MSI2: variants seen among roughly 807,000 people sequenced by gnomAD.
MSI2 encodes the protein RNA-binding protein Musashi homolog 2.
In MSI2, 17 loss-of-function variants were observed where a neutral mutation model predicts 45.6. The observed-to-expected ratio is 0.37, with a 90% CI of 0.26 to 0.56. The LOEUF is 0.56. MSI2 is among the 20% of genes least tolerant of loss of function. MSI2 has a pLI of 0.77. For missense variants in MSI2, 293 were observed against 444.2 expected (o/e 0.66, Z 3.06); for synonymous variants, 156 against 158.2 (o/e 0.99, Z 0.11).
chr17:57,391,981 G>A (rs180928062), intron 5 of MSI2, among the ~76,000 whole-genome samples: 106 of 152,350 alleles, frequency 7.0e-4, no homozygotes, highest in Non-Finnish European at 1.2e-3. Flanking sequence ...CTGAATCACC[G>A]TGTGGTGAGC....
In MSI2 at chr17:57,300,068, G is replaced by A. The variant is rs183108213; in HGVS notation, c.312+37876G>A. Among the ~76,000 whole-genome samples the A allele has an allele frequency of 1.3e-3, 194 of 152,306 alleles. 3 individuals are homozygous for A. The highest frequency in any genetic ancestry group is 4.4e-3 in the African/African-American group (184 of 41,568). On this transcript the variant is annotated intron_variant, in intron 5 of 13. Transcript: ENST00000284073. Reference sequence around the variant, plus strand: ...TACACAGCACCGTGGACCCACGCACGGCTTTACTGCCCACATACCCTTCTG... The same window carrying A: ...TACACAGCACCGTGGACCCACGCACAGCTTTACTGCCCACATACCCTTCTG...
chr17:57,539,501 A>T, intron 7 of MSI2, among the ~76,000 whole-genome samples: 1 of 145,494 alleles, frequency 6.9e-6, no homozygotes, highest in East Asian at 2.0e-4. Context: ...AGACCAGCCT[A>T]GCCAACAGGG....
chr17:57,580,200 GGGTGA>G (rs2088163470), intron 7 of MSI2, among the ~76,000 whole-genome samples: 1 of 152,192 alleles, frequency 6.6e-6, no homozygotes, highest in Non-Finnish European at 1.5e-5. Context: ...AGCTCTAGCA[GGGTGA>G]ACCCATTTAT....
At chr17:57,672,909 A>T (rs979555091) in intron 11 of MSI2, among the ~76,000 whole-genome samples, 2 of 152,198 alleles carry the variant, frequency 1.3e-5, no homozygotes, top group Non-Finnish European at 1.5e-5. Context: ...TATATTCAAA[A>T]ATCTCCATCC....
chr17:57,543,486 T>C (rs2087098073), intron 7 of MSI2, among the ~76,000 whole-genome samples: 1 of 152,256 alleles, frequency 6.6e-6, no homozygotes, highest in African/African-American at 2.4e-5. Context: ...TATGCATTTC[T>C]ACCCCAGAGG....
intron 5 of MSI2, among the ~76,000 whole-genome samples, chr17:57,291,195 AAACATC>A (rs1910389530): frequency 6.6e-6 from 1 of 152,232 alleles, no homozygotes; most frequent in Non-Finnish European, 1.5e-5. Flanking sequence ...GTGCAAAAGA[AAACATC>A]AAAATGTTTG....
intron 7 of MSI2, among the ~76,000 whole-genome samples, chr17:57,573,325 G>C (rs1333835770): frequency 3.6e-5 from 4 of 110,230 alleles, no homozygotes; most frequent in Admixed American, 3.6e-4. Flanking sequence ...AGGATGTGTC[G>C]TGCTCTGTGC....
At chr17:57,416,362 T>C (rs2084294252) in intron 6 of MSI2, among the ~76,000 whole-genome samples, 1 of 152,198 alleles carries the variant, frequency 6.6e-6, no homozygotes, top group Non-Finnish European at 1.5e-5. Flanking sequence ...AACACACCTA[T>C]GGGGAGACTT....
intron 7 of MSI2, among the ~76,000 whole-genome samples, chr17:57,565,523 A>ATTC (rs1328342649): frequency 6.6e-6 from 1 of 152,196 alleles, no homozygotes; most frequent in East Asian, 1.9e-4. Flanking sequence ...GCCTTCCTGC[A>ATTC]TTCTTGCAGA....
intron 5 of MSI2, among the ~76,000 whole-genome samples, chr17:57,364,576 G>A (rs1430365644): frequency 2.0e-5 from 3 of 152,136 alleles, no homozygotes; most frequent in Non-Finnish European, 2.9e-5. Flanking sequence ...TTCTCTAATG[G>A]GCTTGTGTTT....
chr17:57,528,531 G>C (rs1233352777), intron 6 of MSI2, among the ~76,000 whole-genome samples: 1 of 152,196 alleles, frequency 6.6e-6, no homozygotes, highest in Non-Finnish European at 1.5e-5. Context: ...TTGTTTGCTA[G>C]TACTGCCATA....
chr17:57,594,894 G>T, intron 7 of MSI2, among the ~76,000 whole-genome samples: 1 of 152,172 alleles, frequency 6.6e-6, no homozygotes, highest in Non-Finnish European at 1.5e-5. Context: ...CAACAGGCTG[G>T]ACTGTGTATG....
intron 6 of MSI2, among the ~76,000 whole-genome samples, chr17:57,528,098 A>ACCCC (rs1264588205): frequency 1.4e-5 from 2 of 140,678 alleles, no homozygotes; most frequent in African/African-American, 5.1e-5. Context: ...TAACAGTTTT[A>ACCCC]CCCCCCCTAC....
chr17:57,345,818 C>CAAA lies in MSI2; in HGVS notation c.313-55545_313-55543dup, dbSNP rs10685506. ...TGGGCGACAGAGTGGGACTCCGTCT[C>CAAA]AAAAAAAAAAAAAAAAAATTAACTA... On this transcript the variant is annotated intron_variant, in intron 5 of 13. Coordinates refer to ENST00000284073, the MANE Select transcript of MSI2 (RefSeq NM_138962.4). Among the ~76,000 whole-genome samples the CAAA allele has an allele frequency of 2.8e-3, 341 of 121,200 alleles. 3 individuals carry two copies. Among genetic ancestry groups the CAAA allele is most frequent in the East Asian group, 0.026 (99 of 3,808 alleles). 79.5% of individuals were successfully genotyped at this position (121,200 alleles called of 152,430 possible). A position where few individuals can be genotyped will look rare whatever the true frequency, so the allele number is the denominator to read the frequency against.
At chr17:57,528,740 C>G (rs924459632) in intron 6 of MSI2, among the ~76,000 whole-genome samples, 1 of 152,096 alleles carries the variant, frequency 6.6e-6, no homozygotes, top group Non-Finnish European at 1.5e-5. Context: ...ATAAGGACAC[C>G]AGTCATATTG....
chr17:57,444,837 A>G (rs1286670938), intron 6 of MSI2: 1 of 152,212 alleles, frequency 6.6e-6, no homozygotes, highest in Non-Finnish European at 1.5e-5. Context: ...TGTGGCTATA[A>G]TTAAGCCTCT....
chr17:57,538,252 C>T (rs774785789), intron 7 of MSI2, among the ~76,000 whole-genome samples: 12 of 152,020 alleles, frequency 7.9e-5, no homozygotes, highest in Non-Finnish European at 1.5e-4. Context: ...CAGGGGTCGC[C>T]GCAAGCCCTG....
Position 57,634,383 on chromosome 17 carries a change from T to C in MSI2, c.727+7080T>C, listed in dbSNP as rs190399116. 5.2e-3 allele frequency among the ~76,000 whole-genome samples: 789 copies of C among 152,184 alleles called. 9 individuals are homozygous for C. Among genetic ancestry groups the C allele is most frequent in the African/African-American group, 0.018 (751 of 41,536 alleles). The stretch of plus-strand genomic sequence containing the variant: ...TGGGAGGCTGAGGCAGGAGAATCGC[T>C]TGAGCCTGGGAGGCGGAGGTTGCAG... On this transcript the variant is annotated intron_variant, in intron 10 of 13. Transcript: ENST00000284073.
At chr17:57,333,431 G>A (rs1371900944) in intron 5 of MSI2, among the ~76,000 whole-genome samples, 2 of 150,232 alleles carry the variant, frequency 1.3e-5, no homozygotes, top group Non-Finnish European at 3.0e-5. Flanking sequence ...TCCCTGCTGT[G>A]ATTTGTACCG....
Sources: gnomAD v4.1 joint callset for allele counts (sites outside exome capture counted in the v4.1 genomes callset) on GRCh38, gnomAD v4.1.1 for gene constraint, MANE v1.5 for transcripts, NCBI Gene and HGNC (gene_info 2026-07-23, HGNC 2026-07-21) for gene names.